The following PDE9A variants were observed in gnomAD, a reference collection of about 807,000 sequenced individuals.
The protein encoded by PDE9A is high affinity cGMP-specific 3',5'-cyclic phosphodiesterase 9A.
In PDE9A, 60 loss-of-function variants were observed where a neutral mutation model predicts 87.4. The observed-to-expected ratio is 0.69, with a 90% CI of 0.56 to 0.85. The LOEUF is 0.85. PDE9A is among the 40% of genes least tolerant of loss of function. The pLI, the probability that PDE9A is intolerant of heterozygous loss-of-function variation, is 0.00. For synonymous variants in PDE9A, 272 were observed against 279.4 expected (o/e 0.97, Z 0.27); for missense variants, 665 against 779.0 (o/e 0.85, Z 1.74).
intron 19 of PDE9A, among the ~76,000 whole-genome samples, chr21:42,773,347 C>G (rs1382428650): frequency 1.3e-5 from 2 of 151,594 alleles, no homozygotes; most frequent in Non-Finnish European, 2.9e-5. Context: ...GCATATGTAT[C>G]ACTTATAAGA....
At chr21:42,721,411 G>A (rs1028310490) in intron 4 of PDE9A, among the ~76,000 whole-genome samples, 3 of 152,200 alleles carry the variant, frequency 2.0e-5, no homozygotes, top group Non-Finnish European at 4.4e-5. Flanking sequence ...TGGCTGAAAC[G>A]CCAGTGATCT....
At chr21:42,670,342 A>G (rs914132191) in intron 1 of PDE9A, among the ~76,000 whole-genome samples, 1 of 88,896 alleles carries the variant, frequency 1.1e-5, no homozygotes, top group African/African-American at 7.0e-5. Context: ...ACATTCACAT[A>G]CATTTACACA....
intron 2 of PDE9A, among the ~76,000 whole-genome samples, chr21:42,687,343 C>T (rs1435989986): frequency 1.3e-5 from 2 of 152,168 alleles, no homozygotes; most frequent in African/African-American, 4.8e-5. Flanking sequence ...TATATATACA[C>T]AGTATTCCGT....
intron 8 of PDE9A, among the ~76,000 whole-genome samples, chr21:42,749,892 CT>C (rs1329468053): frequency 6.6e-6 from 1 of 152,272 alleles, no homozygotes; most frequent in African/African-American, 2.4e-5. Context: ...AATCCCAACA[CT>C]TTGGGAGGCC....
chr21:42,661,640 G>A (rs1405809885), intron 1 of PDE9A, among the ~76,000 whole-genome samples: 3 of 152,310 alleles, frequency 2.0e-5, no homozygotes, highest in African/African-American at 4.8e-5. Flanking sequence ...CAAAACGGAT[G>A]AATCGATGAA....
intron 14 of PDE9A, among the ~76,000 whole-genome samples, chr21:42,764,394 G>A (rs927864282): frequency 7.9e-5 from 12 of 152,176 alleles, no homozygotes; most frequent in Non-Finnish European, 1.0e-4. Flanking sequence ...GCAAATCTTC[G>A]TCTGCAGTAG....
chr21:42,668,574 A>G (rs2058168692), intron 1 of PDE9A, among the ~76,000 whole-genome samples: 1 of 152,056 alleles, frequency 6.6e-6, no homozygotes, highest in Non-Finnish European at 1.5e-5. Context: ...CGATTTTTGC[A>G]TTTTCAGTCC....
intron 15 of PDE9A, among the ~76,000 whole-genome samples, chr21:42,766,925 G>A (rs1297913432): frequency 6.6e-6 from 1 of 152,184 alleles, no homozygotes; most frequent in Non-Finnish European, 1.5e-5. Context: ...GGTGCCAGGT[G>A]GTCAGGACAA....
chr21:42,689,696 A>G (rs1156826759), intron 3 of PDE9A: 1 of 985,342 alleles, frequency 1.0e-6, no homozygotes, highest in African/African-American at 1.7e-5. Flanking sequence ...CTTATTAACA[A>G]GAGACAGTAT....
chr21:42,752,278 T>G (rs1301663149), intron 9 of PDE9A, among the ~76,000 whole-genome samples: 1 of 151,106 alleles, frequency 6.6e-6, no homozygotes, highest in African/African-American at 2.4e-5. Flanking sequence ...GGGGTTTTTG[T>G]TTTTTTCTTT....
At chr21:42,767,254 T>C (rs994486057) in intron 15 of PDE9A, among the ~76,000 whole-genome samples, 1 of 151,656 alleles carries the variant, frequency 6.6e-6, no homozygotes, top group Admixed American at 6.6e-5. Context: ...GTGCAGGGAG[T>C]GTGGCCGGCA....
intron 7 of PDE9A, 143 bp from the exon 8 acceptor site, chr21:42,743,633 C>T: frequency 1.6e-6 from 1 of 609,954 alleles, no homozygotes; most frequent in Non-Finnish European, 3.0e-6. Context: ...ACCTGAGTAT[C>T]GGCAGCCAGG....
intron 4 of PDE9A, among the ~76,000 whole-genome samples, chr21:42,718,655 C>T (rs1339881379): frequency 6.6e-6 from 1 of 151,296 alleles, no homozygotes; most frequent in African/African-American, 2.4e-5. Flanking sequence ...TCGAGACTCC[C>T]CTCTGTTTAC....
At chr21:42,693,890 C>T (rs1423537036) in intron 3 of PDE9A, among the ~76,000 whole-genome samples, 1 of 152,092 alleles carries the variant, frequency 6.6e-6, no homozygotes, top group African/African-American at 2.4e-5. Context: ...CCATGCCCAG[C>T]CCACCCAGGA....
chr21:42,653,970 T>G (rs2056841237), intron 1 of PDE9A, 87 bp downstream of exon 1: 1 of 704,056 alleles, frequency 1.4e-6, no homozygotes, highest in Admixed American at 2.7e-5. Flanking sequence ...TGTCCGTGCG[T>G]CTGCCGGTCC....
Position 42,772,457 on chromosome 21 carries a change from AGCTTGAC to A in PDE9A, c.1707_1713del (p.Thr571GlyfsTer13), listed in dbSNP as rs1238025302. The A allele has an allele frequency of 1.1e-5, 18 of 1,606,684 alleles. No homozygotes were observed. The highest frequency in any genetic ancestry group is 1.4e-5 in the Non-Finnish European group (17 of 1,177,052). ...GTTCCAGTTACAGAAGAAGACTGACAGCTTGACGTCTGGGGCCACCGAGAAGTCCAGA... is the reference window on the plus strand; with the variant it reads ...GTTCCAGTTACAGAAGAAGACTGACAGTCTGGGGCCACCGAGAAGTCCAGA... On this transcript the variant is annotated frameshift_variant, in exon 19 of 20. Coordinates refer to ENST00000291539, the MANE Select transcript of PDE9A (RefSeq NM_002606.3). LOFTEE classifies it high-confidence loss of function.
chr21:42,758,207 A>C (rs1386524112), intron 10 of PDE9A: 2 of 152,288 alleles, frequency 1.3e-5, no homozygotes, highest in African/African-American at 2.4e-5. Context: ...ATTTTTAAAA[A>C]TCACTTCATC....
intron 1 of PDE9A, among the ~76,000 whole-genome samples, chr21:42,656,434 G>T (rs1286628170): frequency 6.6e-6 from 1 of 152,236 alleles, no homozygotes; most frequent in Non-Finnish European, 1.5e-5. Context: ...GTTCTGCCGA[G>T]TTCTGTGCTC....
At chr21:42,765,029 GGGTGGATGGACA>G (rs2056251738) in intron 14 of PDE9A, among the ~76,000 whole-genome samples, 1 of 151,990 alleles carries the variant, frequency 6.6e-6, no homozygotes, top group African/African-American at 2.4e-5. Context: ...ATGGGTGGAT[GGGTGGATGGACA>G]AATGGATGGA....
Sources: allele counts gnomAD v4.1 joint callset (sites outside exome capture counted in the v4.1 genomes callset), GRCh38; gene constraint gnomAD v4.1.1; transcripts MANE v1.5; gene names NCBI Gene and HGNC (gene_info 2026-07-23, HGNC 2026-07-21).